The following PIGL variants were observed in gnomAD, a reference collection of about 807,000 sequenced individuals.
The protein encoded by PIGL is N-acetylglucosaminyl-phosphatidylinositol de-N-acetylase.
Under a neutral mutation model 31.1 loss-of-function variants are expected in PIGL, and 22 were observed. That is an observed-to-expected ratio of 0.71 (90% CI 0.51 to 1.01). PIGL has a LOEUF of 1.01. PIGL is among the 50% of genes least tolerant of loss of function. The pLI, the probability that PIGL is intolerant of heterozygous loss-of-function variation, is 0.00. For synonymous variants in PIGL, 131 were observed against 117.4 expected, an observed-to-expected ratio of 1.12 and a Z score of -0.75; for missense variants, 302 against 315.9, an observed-to-expected ratio of 0.96 and a Z score of 0.33.
intron 2 of PIGL, among the ~76,000 whole-genome samples, chr17:16,258,143 G>GAGAA (rs2092804445): frequency 1.6e-5 from 1 of 60,824 alleles, no homozygotes; most frequent in African/African-American, 4.1e-5. Context: ...GAGAGAAAGA[G>GAGAA]AGAGAGAGAG....
At chr17:16,261,185 TC>T (rs929851060) in intron 2 of PIGL, among the ~76,000 whole-genome samples, 34 of 150,940 alleles carry the variant, frequency 2.3e-4, no homozygotes, top group Non-Finnish European at 4.3e-4. Flanking sequence ...CTTGCCACAT[TC>T]CCAGCAACAA....
Position 16,305,932 on chromosome 17 carries a change from C to T in PIGL, c.426+5954C>T, listed in dbSNP as rs75234293. The stretch of plus-strand genomic sequence containing the variant: ...CTGAGTAGCTGGGGCTACAGGTGCA[C>T]GCTAGCAAGCCCAGCTAATTTTGTT... On this transcript the variant is annotated intron_variant, in intron 3 of 6. Transcript: ENST00000225609. 6.7e-3 allele frequency among the ~76,000 whole-genome samples: 1,026 copies of T among 152,202 alleles called. 10 individuals carry two copies. Among genetic ancestry groups the T allele is most frequent in the African/African-American group, 0.023 (963 of 41,550 alleles).
rs2092582922 is a variant in PIGL at position 16,217,259 on chromosome 17, G to A, written c.33G>A (p.Leu11=). The part of the protein sequence containing the change: MEAMWLLCVA[L]AVLAWGFLWV... ...CAATGTGGCTCCTGTGTGTGGCGTT[G>A]GCGGTCTTGGCATGGGGCTTCCTCT... Residue 11 remains leucine (L), a synonymous_variant, in exon 1 of 7, where the codon TTG becomes TTA. Transcript: ENST00000225609. The A allele has an allele frequency of 1.2e-6, 2 of 1,614,080 alleles. No homozygotes were observed. The highest frequency in any genetic ancestry group is 1.3e-5 in the African/African-American group (1 of 74,940).
intron 2 of PIGL, among the ~76,000 whole-genome samples, chr17:16,270,867 T>C (rs1183389057): frequency 6.6e-6 from 1 of 150,514 alleles, no homozygotes; most frequent in African/African-American, 2.5e-5. Flanking sequence ...CATTCCAGCC[T>C]GTGCGACAGA....
chr17:16,238,360 C>A (rs2092708417), intron 2 of PIGL, among the ~76,000 whole-genome samples: 1 of 151,276 alleles, frequency 6.6e-6, no homozygotes, highest in Admixed American at 6.6e-5. Context: ...AAAATAAATA[C>A]CTATATAGAT....
chr17:16,310,286 AGTGTGTGTGTGTGTGTGT>A (rs10522327), intron 3 of PIGL, among the ~76,000 whole-genome samples: 8 of 146,268 alleles, frequency 5.5e-5, no homozygotes, highest in Non-Finnish European at 9.0e-5. Context: ...ATTATTAAAA[AGTGTGTGTGTGTGTGTGT>A]GTGTGTGTGT....
intron 2 of PIGL, among the ~76,000 whole-genome samples, chr17:16,270,442 T>A (rs1038995076): frequency 6.6e-6 from 1 of 151,810 alleles, no homozygotes; most frequent in Non-Finnish European, 1.5e-5. Context: ...TATAAATTAT[T>A]AATTATAAAT....
intron 2 of PIGL, among the ~76,000 whole-genome samples, chr17:16,245,023 G>A (rs1190778769): frequency 3.3e-5 from 5 of 151,174 alleles, no homozygotes; most frequent in African/African-American, 4.9e-5. Flanking sequence ...ACGGAGTTTC[G>A]CTCTTGTTGC....
At chr17:16,233,126 GC>G (rs1316715466) in intron 1 of PIGL, among the ~76,000 whole-genome samples, 2 of 151,652 alleles carry the variant, frequency 1.3e-5, no homozygotes, top group African/African-American at 4.8e-5. Context: ...AAAAAAAATG[GC>G]CATTATCTCC....
intron 3 of PIGL, among the ~76,000 whole-genome samples, chr17:16,303,845 G>GC (rs2093015606): frequency 6.6e-6 from 1 of 152,092 alleles, no homozygotes; most frequent in Admixed American, 6.6e-5. Flanking sequence ...CTCCTGAGTA[G>GC]CTGGGACTAC....
chr17:16,273,068 A>C (rs528905592), intron 2 of PIGL, among the ~76,000 whole-genome samples: 1 of 152,260 alleles, frequency 6.6e-6, no homozygotes, highest in South Asian at 2.1e-4. Context: ...TCATTTTTTG[A>C]GCATATACTA....
chr17:16,295,394 C>T (rs1403123523), intron 2 of PIGL, among the ~76,000 whole-genome samples: 7 of 146,816 alleles, frequency 4.8e-5, no homozygotes, highest in Admixed American at 4.7e-4. Flanking sequence ...CAGAGCAAGA[C>T]TCCGTCTCAA....
At position 16,325,859 on chromosome 17, in the gene PIGL, C is replaced by T; in HGVS notation, c.720C>T (p.Phe240=). Residue 240 remains phenylalanine (F), a synonymous_variant, in exon 7 of 7, where the codon TTC becomes TTT. Transcript: ENST00000225609. ...LLWFRRLYII[F]SRYMRINSLS... Reference sequence around the variant, plus strand: ...GGTTCCGCCGCCTCTACATTATCTTCTCCCGGTACATGAGAATCAACTCAC... The same window carrying T: ...GGTTCCGCCGCCTCTACATTATCTTTTCCCGGTACATGAGAATCAACTCAC... The T allele has an allele frequency of 5.6e-6, 9 of 1,613,982 alleles. No individual in the cohort carries two copies. Among genetic ancestry groups the T allele is most frequent in the Non-Finnish European group, 7.6e-6 (9 of 1,179,866 alleles).
At chr17:16,292,158 C>G (rs1158800056) in intron 2 of PIGL, among the ~76,000 whole-genome samples, 1 of 150,930 alleles carries the variant, frequency 6.6e-6, no homozygotes, top group African/African-American at 2.4e-5. Context: ...CCTCAGCCTC[C>G]TGAGTAGCTG....
intron 2 of PIGL, among the ~76,000 whole-genome samples, chr17:16,282,513 C>T (rs915427208): frequency 1.3e-5 from 2 of 152,114 alleles, no homozygotes; most frequent in African/African-American, 2.4e-5. Flanking sequence ...ATCATTTTAC[C>T]TCCCAAACAT....
Position 16,317,881 on chromosome 17 carries a change from C to T in PIGL, c.633C>T (p.Leu211=). 1 of 1,613,792 alleles carries T rather than the reference C, an allele frequency of 6.2e-7. No homozygotes were observed. The highest frequency in any genetic ancestry group is 8.5e-7 in the Non-Finnish European group (1 of 1,180,008). ...ATACGCAGGATGTCCTCTTCGTGCT[C>T]AACAGCAAAGAAGTGGCACAGGCCA... ...LLHTQDVLFV[L]NSKEVAQAKK... is the part of the protein sequence containing the mutation. Residue 211 remains leucine, a synonymous_variant, in exon 6 of 7, where the codon CTC becomes CTT. Coordinates refer to ENST00000225609, the MANE Select transcript of PIGL (RefSeq NM_004278.4).
intron 2 of PIGL, among the ~76,000 whole-genome samples, chr17:16,252,843 G>A (rs980829148): frequency 1.3e-5 from 2 of 152,176 alleles, no homozygotes; most frequent in African/African-American, 4.8e-5. Flanking sequence ...GAGGATGAAT[G>A]GGGAGTAACC....
chr17:16,315,708 C>CTTTTTTTTTTTTTTTTTTTTTTTT (rs1157169209), intron 4 of PIGL, among the ~76,000 whole-genome samples: 2 of 58,990 alleles, frequency 3.4e-5, no homozygotes, highest in African/African-American at 7.5e-5. Context: ...TTCTTTCTTT[C>CTTTTTTTTTTTTTTTTTTTTTTTT]TTTTTTTTTT....
intron 6 of PIGL, among the ~76,000 whole-genome samples, chr17:16,320,723 C>T (rs2093101877): frequency 6.6e-6 from 1 of 152,024 alleles, no homozygotes; most frequent in Non-Finnish European, 1.5e-5. Flanking sequence ...CAACCTCCAC[C>T]TCCCAGGTTC....
Sources: allele counts gnomAD v4.1 joint callset (sites outside exome capture counted in the v4.1 genomes callset), GRCh38; gene constraint gnomAD v4.1.1; transcripts MANE v1.5; gene names NCBI Gene and HGNC (gene_info 2026-07-23, HGNC 2026-07-21).